The following PRKG1 variants were observed in gnomAD, a reference collection of about 807,000 sequenced individuals.
The protein encoded by PRKG1 is cGMP-dependent protein kinase 1.
In PRKG1, 35 loss-of-function variants were observed where a neutral mutation model predicts 88.1. The observed-to-expected ratio is 0.40, with a 90% CI of 0.30 to 0.53. PRKG1 has a LOEUF of 0.53. PRKG1 is among the 20% of genes least tolerant of loss of function. The pLI is 0.59. For missense variants in PRKG1, 540 were observed against 839.8 expected, an observed-to-expected ratio of 0.64 and a Z score of 4.41; for synonymous variants, 303 against 292.5, an observed-to-expected ratio of 1.04 and a Z score of -0.37.
chr10:52,135,973 T>G (rs1366392569), intron 8 of PRKG1, among the ~76,000 whole-genome samples: 1 of 152,072 alleles, frequency 6.6e-6, no homozygotes, highest in Non-Finnish European at 1.5e-5. Context: ...TAATGAGATG[T>G]TAGAAAGCAG....
chr10:51,483,822 A>G (rs772030615), intron 3 of PRKG1, among the ~76,000 whole-genome samples: 3 of 152,234 alleles, frequency 2.0e-5, no homozygotes, highest in African/African-American at 4.8e-5. Context: ...GTTTCAAACA[A>G]TCAGCAGGAA....
Position 51,461,125 on chromosome 10 carries a change from A to G in PRKG1, c.479-6598A>G, listed in dbSNP as rs150942864. ...GTATTATAATCTGTTGTAATTTAGT[A>G]TAACGAAAATTGTTTCAAGTGTATT... On this transcript the variant is annotated intron_variant, in intron 2 of 17. Transcript: ENST00000373980. Among the ~76,000 whole-genome samples the G allele has an allele frequency of 1.4e-3, 220 of 152,288 alleles. 1 individual carries two copies. Among genetic ancestry groups the G allele is most frequent in the Middle Eastern group, 6.8e-3 (2 of 292 alleles).
intron 2 of PRKG1, among the ~76,000 whole-genome samples, chr10:51,360,485 A>G (rs779410573): frequency 3.7e-4 from 56 of 151,966 alleles, no homozygotes; most frequent in Non-Finnish European, 6.3e-4. Flanking sequence ...GTTAAACTCC[A>G]TTATTTCAGG....
chr10:51,345,847 C>T (rs1053128896), intron 2 of PRKG1, among the ~76,000 whole-genome samples: 1 of 152,154 alleles, frequency 6.6e-6, no homozygotes, highest in East Asian at 1.9e-4. Flanking sequence ...GGCCATGCTA[C>T]GGGATGATTC....
chr10:51,064,350 T>G (rs944135714), intron 1 of PRKG1, among the ~76,000 whole-genome samples: 1 of 152,110 alleles, frequency 6.6e-6, no homozygotes, highest in Non-Finnish European at 1.5e-5. Context: ...CACATGGTTA[T>G]TAATGCTAAG....
chr10:51,032,132 G>A (rs1459294958), intron 1 of PRKG1, among the ~76,000 whole-genome samples: 1 of 152,134 alleles, frequency 6.6e-6, no homozygotes, highest in Non-Finnish European at 1.5e-5. Flanking sequence ...GGCTCCTGAA[G>A]CAGCTGCCAG....
In PRKG1 at chr10:51,473,755, A is replaced by ATTTT. The variant is rs34322474; in HGVS notation, c.592+5929_592+5932dup. Among the ~76,000 whole-genome samples the ATTTT allele has an allele frequency of 5.3e-3, 779 of 148,134 alleles. 2 individuals carry two copies. Among genetic ancestry groups the ATTTT allele is most frequent in the Non-Finnish European group, 7.7e-3 (516 of 66,748 alleles). On this transcript the variant is annotated intron_variant, in intron 3 of 17. Coordinates refer to ENST00000373980, the MANE Select transcript of PRKG1 (RefSeq NM_006258.4). Reference sequence around the variant, plus strand: ...TCTAAACAATAGGCAAGAAACACTGATTTTTTTTTTTTTAGCTGTTTTTGT... The same window carrying ATTTT: ...TCTAAACAATAGGCAAGAAACACTGATTTTTTTTTTTTTTTTTAGCTGTTTTTGT...
At chr10:51,281,135 C>A (rs1008629139) in intron 2 of PRKG1, among the ~76,000 whole-genome samples, 9 of 152,182 alleles carry the variant, frequency 5.9e-5, no homozygotes, top group African/African-American at 2.2e-4. Context: ...CCACTCCGAC[C>A]CTGTTTGCCT....
intron 3 of PRKG1, among the ~76,000 whole-genome samples, chr10:51,549,575 T>C (rs1842532282): frequency 6.6e-6 from 1 of 152,154 alleles, no homozygotes; most frequent in Admixed American, 6.6e-5. Context: ...GATTACAATG[T>C]CCTTATACTA....
At chr10:52,143,566 T>C (rs917933402) in intron 8 of PRKG1, among the ~76,000 whole-genome samples, 3 of 152,134 alleles carry the variant, frequency 2.0e-5, no homozygotes, top group African/African-American at 7.2e-5. Context: ...GTGCCAGGAA[T>C]CTGCACTGTA....
intron 9 of PRKG1, among the ~76,000 whole-genome samples, chr10:52,163,271 T>C (rs1429617543): frequency 6.7e-6 from 1 of 149,268 alleles, no homozygotes; most frequent in Non-Finnish European, 1.5e-5. Flanking sequence ...GTCTCATTGG[T>C]CATTATATAT....
chr10:51,760,497 A>T (rs1837990859), intron 3 of PRKG1, among the ~76,000 whole-genome samples: 1 of 149,620 alleles, frequency 6.7e-6, no homozygotes, highest in Non-Finnish European at 1.5e-5. Context: ...TTTGAGACCA[A>T]GTCTTGCCCT....
At chr10:51,007,373 G>A (rs887853437) in intron 1 of PRKG1, among the ~76,000 whole-genome samples, 2 of 152,110 alleles carry the variant, frequency 1.3e-5, no homozygotes, top group Non-Finnish European at 2.9e-5. Context: ...TTTACCATCC[G>A]AGTTAAGTTT....
At chr10:52,244,815 A>AATATATATTTAGATATATTTAG (rs369399292) in intron 9 of PRKG1, among the ~76,000 whole-genome samples, 1 of 65,750 alleles carries the variant, frequency 1.5e-5, no homozygotes, top group East Asian at 4.8e-4. Context: ...GATATATTTA[A>AATATATATTTAGATATATTTAG]ATATATTTAA....
rs182068764 is a variant in PRKG1, at chr10:51,979,232, T to G, written c.762+71662T>G. 3.3e-5 allele frequency among the ~76,000 whole-genome samples: 5 copies of G among 152,094 alleles called. No homozygotes were observed. In the East Asian group the frequency reaches 7.8e-4, roughly 24 times the overall value. ...ATTGAGATCATGTAGTTTTTGTCTC[T>G]TGTTCTATTTATATGATGAATCACA... On this transcript the variant is annotated intron_variant, in intron 5 of 17. Transcript: ENST00000373980.
intron 3 of PRKG1, among the ~76,000 whole-genome samples, chr10:51,615,657 G>GT (rs151175931): frequency 0.15 from 19,830 of 128,422 alleles, 1,646 homozygotes; most frequent in Non-Finnish European, 0.22. Context: ...ACTCTGCTTG[G>GT]TTCTTTTTTT....
At chr10:51,243,116 T>A (rs182910328) in intron 2 of PRKG1, among the ~76,000 whole-genome samples, 1 of 152,172 alleles carries the variant, frequency 6.6e-6, no homozygotes, top group Admixed American at 6.6e-5. Flanking sequence ...AAGGAAGGCT[T>A]TTTGGTGGGG....
chr10:51,939,110 G>T (rs953338867), intron 5 of PRKG1, among the ~76,000 whole-genome samples: 1 of 151,892 alleles, frequency 6.6e-6, no homozygotes, highest in African/African-American at 2.4e-5. Flanking sequence ...CCTCTATTCT[G>T]TTTTGACCAC....
chr10:51,929,285 T>G (rs1202412599), intron 5 of PRKG1, among the ~76,000 whole-genome samples: 2 of 152,038 alleles, frequency 1.3e-5, no homozygotes, highest in African/African-American at 4.8e-5. Context: ...AAAGACTTTC[T>G]TTTGACCCCA....
Sources: allele counts gnomAD v4.1 joint callset (sites outside exome capture counted in the v4.1 genomes callset), GRCh38; gene constraint gnomAD v4.1.1; transcripts MANE v1.5; gene names NCBI Gene and HGNC (gene_info 2026-07-23, HGNC 2026-07-21).